Variants in ARHGAP18 observed in about 807,000 individuals in gnomAD.
The protein encoded by ARHGAP18 is rho GTPase-activating protein 18.
Under a neutral mutation model 86.2 loss-of-function variants are expected in ARHGAP18, and 67 were observed. The observed-to-expected ratio is 0.78, with a 90% CI of 0.64 to 0.95. The LOEUF (loss-of-function observed/expected upper bound fraction) is 0.95. ARHGAP18 is among the 40% of genes least tolerant of loss of function. The probability of loss-of-function intolerance (pLI) is 0.00; values close to 1 mark genes in which losing one functional copy is unlikely to be tolerated. For missense variants in ARHGAP18, 691 were observed against 780.4 expected (o/e 0.89, Z 1.37); for synonymous variants, 283 against 280.4 (o/e 1.01, Z -0.09).
intron 12 of ARHGAP18, among the ~76,000 whole-genome samples, chr6:129,598,169 A>G (rs1001992399): frequency 6.6e-6 from 1 of 152,140 alleles, no homozygotes. Flanking sequence ...GCCAAAAAAA[A>G]AGGCTTTCTA....
In ARHGAP18 at chr6:129,578,587, C is replaced by T; in HGVS notation, c.1918G>A (p.Asp640Asn). The change falls in exon 15 of 15, where the codon GAT becomes AAT. Residue 640 changes from aspartate to asparagine, a missense_variant. By Grantham distance (23) the Asp-to-Asn change is conservative (BLOSUM62 1). Transcript: ENST00000368149. ...TATAAATCCTTCATGTAAGTGTCAT[C>T]ATCAAGGCAGCGTTCCCCTGTTAAA... ...GGNIGERCLD[D>N]DTYMKDLYQL... The T allele has an allele frequency of 6.2e-7, 1 of 1,610,888 alleles. No homozygotes were observed. The highest frequency in any genetic ancestry group is 8.5e-7 in the Non-Finnish European group (1 of 1,178,086).
intron 2 of ARHGAP18, among the ~76,000 whole-genome samples, chr6:129,639,680 C>A (rs1365421364): frequency 1.3e-5 from 2 of 152,162 alleles, no homozygotes; most frequent in Non-Finnish European, 2.9e-5. Flanking sequence ...ATAACTTTGA[C>A]TTCAAGAGAC....
At chr6:129,590,862 G>A (rs926379486) in intron 12 of ARHGAP18, among the ~76,000 whole-genome samples, 1 of 152,132 alleles carries the variant, frequency 6.6e-6, no homozygotes, top group African/African-American at 2.4e-5. Context: ...TATTTCTGTA[G>A]TGATTCATCC....
rs556012146 is a variant in ARHGAP18, at chr6:129,709,424, A to C, written c.113+600T>G. ...AACATTAACCACATTTCACTCCAGC[A>C]GCAGAGTGCTATCTCCTGACAAAAA... On this transcript the variant is annotated intron_variant, in intron 1 of 14. Transcript: ENST00000368149. Among the ~76,000 whole-genome samples, 136 of 152,368 alleles carry C rather than the reference A, an allele frequency of 8.9e-4. 1 individual carries two copies. The highest frequency in any genetic ancestry group is 3.4e-3 in the Middle Eastern group (1 of 294).
At chr6:129,586,219 G>A (rs1205364522) in intron 12 of ARHGAP18, among the ~76,000 whole-genome samples, 1 of 152,130 alleles carries the variant, frequency 6.6e-6, no homozygotes, top group Non-Finnish European at 1.5e-5. Flanking sequence ...CTCATAGGAG[G>A]TGGAAAATAA....
At chr6:129,651,312 A>G (rs1773706416) in intron 1 of ARHGAP18, among the ~76,000 whole-genome samples, 1 of 152,232 alleles carries the variant, frequency 6.6e-6, no homozygotes. Context: ...ACAGAAACAT[A>G]CAAAAGGAAG....
intron 1 of ARHGAP18, among the ~76,000 whole-genome samples, chr6:129,706,711 AC>A (rs1420242722): frequency 2.0e-5 from 3 of 150,902 alleles, no homozygotes; most frequent in Admixed American, 1.3e-4. Context: ...ACATGGTGAA[AC>A]CCCGTCTCTA....
rs1028059195 is a variant in ARHGAP18 at position 129,611,399 on chromosome 6, A to G, written c.1122+134T>C. On this transcript the variant is annotated intron_variant, in intron 8 of 14. Transcript: ENST00000368149. ...CTGTAGAAAAACTAAACTGAATGGT[A>G]AAAGGTTTTATTGTTTTATTTTATC... 10 of 702,498 alleles carry G rather than the reference A, an allele frequency of 1.4e-5. No homozygotes were observed. In the East Asian group the frequency reaches 2.6e-4, roughly 18 times the overall value. 43.5% of individuals were successfully genotyped at this position (702,498 alleles called of 1,614,324 possible).
chr6:129,674,161 G>C (rs1774189797), intron 1 of ARHGAP18, among the ~76,000 whole-genome samples: 1 of 152,064 alleles, frequency 6.6e-6, no homozygotes, highest in Non-Finnish European at 1.5e-5. Flanking sequence ...ATAACCACCT[G>C]GTATTGAAGA....
chr6:129,668,614 C>A (rs556537920), intron 1 of ARHGAP18, among the ~76,000 whole-genome samples: 2 of 152,274 alleles, frequency 1.3e-5, no homozygotes, highest in East Asian at 3.9e-4. Context: ...TCAAGTCCCC[C>A]ACTATGGCCA....
intron 1 of ARHGAP18, among the ~76,000 whole-genome samples, chr6:129,697,467 T>G (rs924035473): frequency 6.6e-6 from 1 of 152,082 alleles, no homozygotes; most frequent in African/African-American, 2.4e-5. Flanking sequence ...TAGTCAGTAT[T>G]TTGGAAATTC....
intron 1 of ARHGAP18, among the ~76,000 whole-genome samples, chr6:129,653,823 GA>G (rs200680444): frequency 3.8e-4 from 39 of 101,592 alleles, no homozygotes; most frequent in South Asian, 1.6e-3. Context: ...AACATTTGAA[GA>G]AAAAAAAAAA....
intron 12 of ARHGAP18, among the ~76,000 whole-genome samples, chr6:129,589,576 C>T (rs1378580960): frequency 6.6e-6 from 1 of 152,164 alleles, no homozygotes; most frequent in East Asian, 1.9e-4. Flanking sequence ...TAGTTCCAAA[C>T]TCTTTCACAT....
rs1296385752 is a variant in ARHGAP18, at chr6:129,625,180, ATATAT to A, written c.786+4168_786+4172del. ...AGATATATATTATATATGATATATT[ATATAT>A]TATATATGATATATATTTATATGTA... is the stretch of plus-strand genomic sequence containing the variant. On this transcript the variant is annotated intron_variant, in intron 5 of 14. Transcript: ENST00000368149. Among the ~76,000 whole-genome samples the A allele has an allele frequency of 5.3e-4, 47 of 89,440 alleles. 5 individuals carry two copies. Among genetic ancestry groups the A allele is most frequent in the African/African-American group, 2.2e-3 (44 of 20,380 alleles). 58.7% of individuals were successfully genotyped at this position (89,440 alleles called of 152,430 possible).
chr6:129,647,672 G>T (rs1307087487), intron 1 of ARHGAP18, among the ~76,000 whole-genome samples: 1 of 147,672 alleles, frequency 6.8e-6, no homozygotes, highest in Non-Finnish European at 1.5e-5. Context: ...GTTTTAATGT[G>T]TAAAAAAAAA....
chr6:129,632,275 T>C (rs974471267), intron 4 of ARHGAP18, among the ~76,000 whole-genome samples: 1 of 152,172 alleles, frequency 6.6e-6, no homozygotes, highest in Non-Finnish European at 1.5e-5. Context: ...GTTATTCTGA[T>C]TGGAGGATCT....
At chr6:129,696,995 G>T (rs1343245856) in intron 1 of ARHGAP18, among the ~76,000 whole-genome samples, 1 of 152,130 alleles carries the variant, frequency 6.6e-6, no homozygotes, top group Non-Finnish European at 1.5e-5. Flanking sequence ...ATGATTAATT[G>T]GCCAATAGAA....
intron 1 of ARHGAP18, among the ~76,000 whole-genome samples, chr6:129,688,062 T>A (rs1281849869): frequency 6.6e-6 from 1 of 152,198 alleles, no homozygotes; most frequent in East Asian, 1.9e-4. Context: ...CAAGCAGACA[T>A]GGATGAAAAG....
intron 1 of ARHGAP18, among the ~76,000 whole-genome samples, chr6:129,700,074 T>C (rs1344787109): frequency 1.3e-5 from 2 of 152,190 alleles, no homozygotes; most frequent in South Asian, 2.1e-4. Flanking sequence ...GCCACAGATA[T>C]ACATTCAGCT....
Sources: allele counts gnomAD v4.1 joint callset (sites outside exome capture counted in the v4.1 genomes callset), GRCh38; gene constraint gnomAD v4.1.1; transcripts MANE v1.5; gene names NCBI Gene and HGNC (gene_info 2026-07-23, HGNC 2026-07-21).